Variants in BCL9L observed in about 807,000 individuals in gnomAD.
The protein encoded by BCL9L is B-cell CLL/lymphoma 9-like protein.
In BCL9L, 19 loss-of-function variants were observed where a neutral mutation model predicts 99.4. The ratio of observed to expected loss-of-function variants is 0.19; its 90% confidence interval spans 0.13 to 0.28. The LOEUF is 0.28. Ranked by LOEUF, BCL9L falls within the 10% of genes least tolerant of loss-of-function variation. The pLI, the probability that BCL9L is intolerant of heterozygous loss-of-function variation, is 1.00. For missense variants in BCL9L, 2,023 were observed against 2,101.6 expected, an observed-to-expected ratio of 0.96 and a Z score of 0.73; for synonymous variants, 900 against 854.8, an observed-to-expected ratio of 1.05 and a Z score of -0.92.
intron 9 of BCL9L, 131 bp downstream of exon 9, chr11:118,899,786 C>A: frequency 1.5e-6 from 2 of 1,314,212 alleles, no homozygotes; most frequent in Non-Finnish European, 2.0e-6. Flanking sequence ...GTGGGAACAG[C>A]ATCCCGGAGC....
At position 118,901,288 on chromosome 11, in the gene BCL9L, G is replaced by C; in HGVS notation, c.2455C>G (p.Arg819Gly). ...CCACTGCTGTTCTGGGCCCGAACCC[G>C]GGCCATCTCCTCAGGACTGAGGCCC... ...PQGLSPEEMA[R>G]VRAQNSSGVM... Residue 819 changes from arginine to glycine, a missense_variant, in exon 8 of 10, where the codon CGG becomes GGG. Around this residue, in one of 3 missense-constraint regions of BCL9L, gnomAD observed 1,116 missense variants for 1,194.6 expected, o/e 0.93. Coordinates refer to ENST00000683865, the MANE Select transcript of BCL9L (RefSeq NM_001378213.1). The surrounding 1 kb of genome is among the most constrained non-coding windows in gnomAD (Gnocchi z 6.6). 1 of 1,613,946 alleles carries C rather than the reference G, an allele frequency of 6.2e-7. No homozygotes were observed. Among genetic ancestry groups the C allele is most frequent in the Non-Finnish European group, 8.5e-7 (1 of 1,179,990 alleles).
At chr11:118,899,801 AC>A in intron 9 of BCL9L, 115 bp downstream of exon 9, 2 of 1,385,112 alleles carry the variant, frequency 1.4e-6, no homozygotes, top group Non-Finnish European at 1.9e-6. Flanking sequence ...CGGAGCCTCC[AC>A]CCCCACACCC....
At position 118,898,338 on chromosome 11, in the gene BCL9L, C is replaced by T; in HGVS notation, c.*77G>A. On this transcript the variant is annotated 3_prime_UTR_variant, in exon 10 of 10. Transcript: ENST00000683865. ...ACCCCACCCCGCGACCCAGGCCATC[C>T]CAACATTGAGGGGAAGAACTTTGTT... is the stretch of plus-strand genomic sequence containing the variant. The T allele has an allele frequency of 7.7e-7, 1 of 1,298,574 alleles. No individual in the cohort carries two copies. 80.4% of individuals were successfully genotyped at this position (1,298,574 alleles called of 1,614,324 possible). A position where few individuals can be genotyped will look rare whatever the true frequency, so the allele number is the denominator to read the frequency against.
chr11:118,904,427 G>A (rs1235681133), intron 5 of BCL9L, among the ~76,000 whole-genome samples: 3 of 152,238 alleles, frequency 2.0e-5, no homozygotes, highest in East Asian at 1.9e-4. Flanking sequence ...GCGACAGAGC[G>A]AGACTGTCTC....
Position 118,900,926 on chromosome 11 carries a change from C to T in BCL9L, c.2817G>A (p.Gln939=). Residue 939 remains glutamine (Q), a synonymous_variant, in exon 8 of 10, where the codon CAG becomes CAA. Coordinates refer to ENST00000683865, the MANE Select transcript of BCL9L (RefSeq NM_001378213.1). The surrounding 1 kb of genome is among the most constrained non-coding windows in gnomAD (Gnocchi z 5.3). ...MGHLKSPTLS[Q]VHSPLVTSPS... Reference sequence around the variant, plus strand: ...GCGAGGTGACCAGGGGTGAGTGCACCTGGCTAAGGGTGGGCGACTTCAAGT... The same window carrying T: ...GCGAGGTGACCAGGGGTGAGTGCACTTGGCTAAGGGTGGGCGACTTCAAGT... 6.4e-7 allele frequency: 1 copy of T among 1,573,442 alleles called. No homozygotes were observed. The highest frequency in any genetic ancestry group is 8.6e-7 in the Non-Finnish European group (1 of 1,156,718).
rs1407594575 is a variant in BCL9L, at chr11:118,921,509, TGAG to T, written c.-130-2633_-130-2631del. On this transcript the variant is annotated intron_variant, in intron 1 of 9. Transcript: ENST00000683865. The surrounding 1 kb of genome is among the most constrained non-coding windows in gnomAD (Gnocchi z 5.4). Reference sequence around the variant, plus strand: ...AGGCTGGGGGTGGGGAAGTGGAGAGTGAGGAGGAGGGGAAGACGGGCCAGCCCA... The same window carrying T: ...AGGCTGGGGGTGGGGAAGTGGAGAGTGAGGAGGGGAAGACGGGCCAGCCCA... Among the ~76,000 whole-genome samples, 6 of 145,582 alleles carry T rather than the reference TGAG, an allele frequency of 4.1e-5. No homozygotes were observed. The East Asian group carries it at 1.2e-3, about 29-fold the overall frequency.
Position 118,901,042 on chromosome 11 carries a change from T to A in BCL9L, c.2701A>T (p.Thr901Ser). ...PLPPASNPPG[T>S]VHSAPNRGLG... ...CCCCGGTTTGGGGCTGAATGCACGGTCCCAGGAGGATTGGACGCAGGGGGC... is the reference window on the plus strand; with the variant it reads ...CCCCGGTTTGGGGCTGAATGCACGGACCCAGGAGGATTGGACGCAGGGGGC... The change falls in exon 8 of 10, where the codon ACC becomes TCC. Residue 901 changes from threonine to serine, a missense_variant. Thr to Ser is a moderately conservative substitution (Grantham distance 58). Coordinates refer to ENST00000683865, the MANE Select transcript of BCL9L (RefSeq NM_001378213.1). This position sits in a 1 kb window ranked among gnomAD's most constrained non-coding sequence, Gnocchi z 6.6. The A allele has an allele frequency of 6.3e-7, 1 of 1,590,978 alleles. No homozygotes were observed. The highest frequency in any genetic ancestry group is 8.6e-7 in the Non-Finnish European group (1 of 1,168,158).
chr11:118,920,270 G>A (rs760432850), intron 1 of BCL9L, among the ~76,000 whole-genome samples: 4 of 152,100 alleles, frequency 2.6e-5, no homozygotes, highest in African/African-American at 4.8e-5. Flanking sequence ...TGCTATCACC[G>A]TCCTTGCTTT....
chr11:118,914,502 C>T lies in BCL9L; in HGVS notation c.-77+4324G>A, dbSNP rs2062484408. On this transcript the variant is annotated intron_variant, in intron 2 of 9. Transcript: ENST00000683865. This position sits in a 1 kb window ranked among gnomAD's most constrained non-coding sequence, Gnocchi z 4.4. ...TTGGCAGCAGCAGCACCTGGGGGCC[C>T]CACGAGCTCTGCCCACATTGACATC... Among the ~76,000 whole-genome samples, 1 of 152,218 alleles carries T rather than the reference C, an allele frequency of 6.6e-6. No individual in the cohort carries two copies. The highest frequency in any genetic ancestry group is 1.5e-5 in the Non-Finnish European group (1 of 68,032).
At chr11:118,916,485 C>T (rs1940966538) in intron 2 of BCL9L, among the ~76,000 whole-genome samples, 1 of 152,218 alleles carries the variant, frequency 6.6e-6, no homozygotes, top group Non-Finnish European at 1.5e-5. Flanking sequence ...GAGCCCTGGC[C>T]ACCTGGCCCC....
rs766604306 is a variant in BCL9L, at chr11:118,898,963, G to A, written c.3952C>T (p.Pro1318Ser). 3 of 1,613,050 alleles carry A rather than the reference G, an allele frequency of 1.9e-6. No homozygotes were observed. Among genetic ancestry groups the A allele is most frequent in the Non-Finnish European group, 2.5e-6 (3 of 1,179,288 alleles). ...AAGTCGAACTCGGGGATCCCCGTTG[G>A]GGTGGGCCGGATCACCTCGCTCAGC... is the stretch of plus-strand genomic sequence containing the variant. ...PELSEVIRPT[P>S]TGIPEFDLSR... Residue 1318 changes from proline to serine, a missense_variant, in exon 10 of 10, where the codon CCA (proline) becomes TCA (serine). Transcript: ENST00000683865.
intron 2 of BCL9L, among the ~76,000 whole-genome samples, chr11:118,912,104 C>G (rs898182003): frequency 1.3e-4 from 20 of 152,236 alleles, no homozygotes; most frequent in African/African-American, 4.1e-4. Flanking sequence ...ACACCTCCCC[C>G]CTTTGCCCCT....
intron 3 of BCL9L, 75 bp downstream of exon 3, chr11:118,909,839 G>C: frequency 6.2e-7 from 1 of 1,610,840 alleles, no homozygotes. Context: ...GCACAGCTTG[G>C]GCCCCATCAC....
Position 118,898,346 on chromosome 11 carries a change from G to T in BCL9L, c.*69C>A. 2 of 1,192,472 alleles carry T rather than the reference G, an allele frequency of 1.7e-6. No individual in the cohort carries two copies. The highest frequency in any genetic ancestry group is 2.5e-5 in the Admixed American group (1 of 39,856). The allele number at this position is 1,192,472 out of a possible 1,614,324, so 73.9% of individuals were successfully genotyped here. ...CCGCGACCCAGGCCATCCCAACATT[G>T]AGGGGAAGAACTTTGTTAAGGTTAT... On this transcript the variant is annotated 3_prime_UTR_variant, in exon 10 of 10. Coordinates refer to ENST00000683865, the MANE Select transcript of BCL9L (RefSeq NM_001378213.1).
At position 118,898,304 on chromosome 11, in the gene BCL9L, A is replaced by ACCCCCCCCCCCCCCCCCCCCCC; in HGVS notation, c.*110_*111insGGGGGGGGGGGGGGGGGGGGGG. 1.6e-5 allele frequency: 3 copies of ACCCCCCCCCCCCCCCCCCCCCC among 193,448 alleles called. No individual in the cohort carries two copies. The highest frequency in any genetic ancestry group is 1.7e-4 in the East Asian group (1 of 5,918). 12.0% of individuals were successfully genotyped at this position (193,448 alleles called of 1,614,324 possible). A position where few individuals can be genotyped will look rare whatever the true frequency, so the allele number is the denominator to read the frequency against. ...CCACTCCCTACACAAGCCCCCTCCC[A>ACCCCCCCCCCCCCCCCCCCCCC]CCCCCTCCACCCCACCCCGCGACCC... On this transcript the variant is annotated 3_prime_UTR_variant, in exon 10 of 10. Transcript: ENST00000683865.
In BCL9L at chr11:118,899,854, G is replaced by A. The variant is rs1940128955; in HGVS notation, c.3406+63C>T. On this transcript the variant is annotated intron_variant, in intron 9 of 9. Coordinates refer to ENST00000683865, the MANE Select transcript of BCL9L (RefSeq NM_001378213.1). ...CAAAAAAGCCAGCACAACCACAGCT[G>A]TGCTCCCCGCTCCCAGTGCCCACAC... 8 of 1,545,030 alleles carry A rather than the reference G, an allele frequency of 5.2e-6. No individual in the cohort carries two copies. In the South Asian group the frequency reaches 9.5e-5, roughly 18 times the overall value.
At position 118,922,782 on chromosome 11, in the gene BCL9L, C is replaced by A. The variant is rs1357648378; in HGVS notation, c.-131+2456G>T. On this transcript the variant is annotated intron_variant, in intron 1 of 9. Coordinates refer to ENST00000683865, the MANE Select transcript of BCL9L (RefSeq NM_001378213.1). The surrounding 1 kb of genome is among the most constrained non-coding windows in gnomAD (Gnocchi z 6.2). ...GCCATTCCCCTGTCACCCCTGGGTG[C>A]CCAGGCTCTTGAGCTACCTCACTCT... Among the ~76,000 whole-genome samples, 2 of 152,122 alleles carry A rather than the reference C, an allele frequency of 1.3e-5. No individual in the cohort carries two copies. The highest frequency in any genetic ancestry group is 2.4e-5 in the African/African-American group (1 of 41,396).
At chr11:118,913,309 C>A (rs1940864755) in intron 2 of BCL9L, among the ~76,000 whole-genome samples, 2 of 152,112 alleles carry the variant, frequency 1.3e-5, no homozygotes, top group Non-Finnish European at 2.9e-5. Flanking sequence ...CTCCTGGTCC[C>A]AGACCTTTCT....
chr11:118,900,257 G>C lies in BCL9L; in HGVS notation c.3125-59C>G. ...GACTGGGGAGGGGCAGATGAGTTTG[G>C]CTGTGGATATGGGGAGGTTTAGGAA... On this transcript the variant is annotated intron_variant, in intron 8 of 9. Transcript: ENST00000683865. The surrounding 1 kb of genome is among the most constrained non-coding windows in gnomAD (Gnocchi z 5.3). 6.7e-7 allele frequency: 1 copy of C among 1,491,002 alleles called. No homozygotes were observed. Among genetic ancestry groups the C allele is most frequent in the East Asian group, 2.3e-5 (1 of 42,878 alleles). 92.4% of individuals were successfully genotyped at this position (1,491,002 alleles called of 1,614,324 possible).
Sources: gnomAD v4.1 joint callset for allele counts (sites outside exome capture counted in the v4.1 genomes callset) on GRCh38, gnomAD v4.1.1 for gene constraint, gnomAD v4.1.1 regional missense constraint, Gnocchi (gnomAD v3.1) non-coding constraint, MANE v1.5 for transcripts, NCBI Gene and HGNC (gene_info 2026-07-23, HGNC 2026-07-21) for gene names.